RTN4IP1: variants seen among roughly 807,000 people sequenced by gnomAD.
RTN4IP1 encodes the protein NAD(P)H oxidoreductase RTN4IP1, mitochondrial.
Under a neutral mutation model 46.6 loss-of-function variants are expected in RTN4IP1, and 32 were observed. That is an observed-to-expected ratio of 0.69 (90% CI 0.52 to 0.92). The LOEUF (loss-of-function observed/expected upper bound fraction) is 0.92. Among genes scored for constraint, RTN4IP1 ranks in the 40% least tolerant of loss-of-function variants. RTN4IP1 has a pLI of 0.00. For missense variants in RTN4IP1, 424 were observed against 485.8 expected, an observed-to-expected ratio of 0.87 and a Z score of 1.20; for synonymous variants, 167 against 161.8, an observed-to-expected ratio of 1.03 and a Z score of -0.24.
chr6:106,628,660 C>A, intron 1 of RTN4IP1, 88 bp downstream of exon 1: 1 of 1,238,920 alleles, frequency 8.1e-7, no homozygotes, highest in South Asian at 1.5e-5. Flanking sequence ...TTTATGTAAA[C>A]CAAAGAAGCG....
intron 4 of RTN4IP1, among the ~76,000 whole-genome samples, chr6:106,605,814 CCCAA>C (rs1432362816): frequency 3.7e-4 from 36 of 96,704 alleles, no homozygotes; most frequent in African/African-American, 1.5e-3. Context: ...AAGACTCTGT[CCCAA>C]AAAAAAAAAA....
At chr6:106,608,606 T>G (rs1776144533) in intron 4 of RTN4IP1, among the ~76,000 whole-genome samples, 1 of 152,198 alleles carries the variant, frequency 6.6e-6, no homozygotes, top group Admixed American at 6.5e-5. Context: ...GCCCCATAAA[T>G]GTGTACATTA....
chr6:106,587,907 A>C, intron 6 of RTN4IP1, 45 bp from the exon 7 acceptor site: 1 of 1,519,602 alleles, frequency 6.6e-7, no homozygotes, highest in South Asian at 1.2e-5. Flanking sequence ...CAGGCTTTAC[A>C]CTGGACTCTG....
At chr6:106,594,333 C>A (rs886701006) in intron 5 of RTN4IP1, among the ~76,000 whole-genome samples, 1 of 152,144 alleles carries the variant, frequency 6.6e-6, no homozygotes, top group South Asian at 2.1e-4. Flanking sequence ...CGTAGTGAAA[C>A]CCCGTCTCTA....
At chr6:106,572,356 CT>C in intron 8 of RTN4IP1, 1 of 492,268 alleles carries the variant, frequency 2.0e-6, no homozygotes, top group East Asian at 3.5e-5. Context: ...GTCTTTCACT[CT>C]CCTACTTAGA....
rs184107284 is a variant in RTN4IP1 at position 106,616,277 on chromosome 6, A to C, written c.620+2925T>G. 1.6e-4 allele frequency among the ~76,000 whole-genome samples: 25 copies of C among 152,312 alleles called. No homozygotes were observed. In the East Asian group the frequency reaches 4.2e-3, roughly 26 times the overall value. ...CAAAATGACAGTATTATATGACATC[A>C]AGAATAAACTATTTCCTTGGTTCAC... On this transcript the variant is annotated intron_variant, in intron 4 of 8. Coordinates refer to ENST00000369063, the MANE Select transcript of RTN4IP1 (RefSeq NM_032730.5).
chr6:106,597,206 A>T (rs1775816979), intron 5 of RTN4IP1, among the ~76,000 whole-genome samples: 1 of 152,236 alleles, frequency 6.6e-6, no homozygotes, highest in African/African-American at 2.4e-5. Flanking sequence ...ATTTCAGGAC[A>T]GTAGGAAAGT....
chr6:106,602,907 G>A lies in RTN4IP1; in HGVS notation c.636C>T (p.Gly212=), dbSNP rs754459474. The A allele has an allele frequency of 1.7e-5, 27 of 1,604,238 alleles. No homozygotes were observed. The highest frequency in any genetic ancestry group is 1.0e-4 in the Admixed American group (6 of 58,226). The change falls in exon 5 of 9, where the codon GGC becomes GGT. Residue 212 remains glycine, a synonymous_variant. Coordinates refer to ENST00000369063, the MANE Select transcript of RTN4IP1 (RefSeq NM_032730.5). The part of the protein sequence containing the change: ...NCTGKRVLIL[G]ASGGVGTFAI... ...CAAAAGTACCAACTCCGCCTGAAGC[G>A]CCTAAGATTAGAACACTGAAATGCA...
intron 4 of RTN4IP1, among the ~76,000 whole-genome samples, chr6:106,606,977 A>G (rs541547961): frequency 6.6e-6 from 1 of 152,340 alleles, no homozygotes; most frequent in Admixed American, 6.5e-5. Flanking sequence ...AGCAGGAGGC[A>G]TCACCCTACC....
chr6:106,602,851 A>T, intron 5 of RTN4IP1, 23 bp downstream of exon 5: 1 of 1,546,668 alleles, frequency 6.5e-7, no homozygotes, highest in East Asian at 2.3e-5. Context: ...CCTCCTATTC[A>T]CAAGATTAAA....
Position 106,628,838 on chromosome 6 carries a change from T to C in RTN4IP1, c.184A>G (p.Asn62Asp). 3.7e-6 allele frequency: 6 copies of C among 1,614,144 alleles called. No homozygotes were observed. The highest frequency in any genetic ancestry group is 5.1e-6 in the Non-Finnish European group (6 of 1,179,982). ...TAGTGTATGATAGGCATCATCATGT[T>C]CTGAGTGAATCGAAGCACTTCATTC... The part of the protein sequence containing the change: ...GKNEVLRFTQ[N>D]MMMPIIHYPN... Residue 62 changes from asparagine (N) to aspartate (D), a missense_variant, in exon 1 of 9, where the codon AAC (asparagine) becomes GAC (aspartate). Coordinates refer to ENST00000369063, the MANE Select transcript of RTN4IP1 (RefSeq NM_032730.5).
At chr6:106,599,554 T>C (rs896307673) in intron 5 of RTN4IP1, among the ~76,000 whole-genome samples, 1 of 151,846 alleles carries the variant, frequency 6.6e-6, no homozygotes, top group Non-Finnish European at 1.5e-5. Context: ...CGATATAGGA[T>C]GTACTTTTGC....
intron 4 of RTN4IP1, among the ~76,000 whole-genome samples, chr6:106,618,858 T>C (rs1034746262): frequency 1.3e-5 from 2 of 148,988 alleles, no homozygotes; most frequent in African/African-American, 5.2e-5. Context: ...GGGATGATTC[T>C]TAACCTTTTT....
chr6:106,622,649 A>C (rs1776510399), intron 2 of RTN4IP1, among the ~76,000 whole-genome samples, 169 bp downstream of exon 2: 1 of 152,194 alleles, frequency 6.6e-6, no homozygotes. Context: ...GTACTAAATA[A>C]ATGCAAACTT....
chr6:106,627,609 T>C (rs1266598543), intron 1 of RTN4IP1, among the ~76,000 whole-genome samples: 1 of 151,966 alleles, frequency 6.6e-6, no homozygotes, highest in Non-Finnish European at 1.5e-5. Flanking sequence ...TATAAAAAAC[T>C]GAATTCTCTT....
chr6:106,629,811 G>GCT, upstream of RTN4IP1: 2 of 1,379,154 alleles, frequency 1.5e-6, no homozygotes, highest in Non-Finnish European at 2.0e-6. Context: ...CCACCTCGCT[G>GCT]CTTCCTCTAG....
At chr6:106,578,893 G>A (rs929998960) in intron 8 of RTN4IP1, among the ~76,000 whole-genome samples, 1 of 151,742 alleles carries the variant, frequency 6.6e-6, no homozygotes, top group African/African-American at 2.4e-5. Flanking sequence ...GCTTCACATG[G>A]TCTAAGTTCT....
rs750757503 is a variant in RTN4IP1, at chr6:106,628,728, A to G, written c.274+20T>C. 1 of 1,588,008 alleles carries G rather than the reference A, an allele frequency of 6.3e-7. No homozygotes were observed. The highest frequency in any genetic ancestry group is 1.1e-5 in the South Asian group (1 of 88,542). On this transcript the variant is annotated intron_variant, in intron 1 of 8. Coordinates refer to ENST00000369063, the MANE Select transcript of RTN4IP1 (RefSeq NM_032730.5). ...AAGTGATTTTTTTAAAAAAGGTAAC[A>G]ATGTCTTTTGAAAACTTACTTCTCA... is the stretch of plus-strand genomic sequence containing the variant.
intron 8 of RTN4IP1, among the ~76,000 whole-genome samples, chr6:106,574,789 C>T (rs1261308807): frequency 1.3e-5 from 2 of 152,192 alleles, no homozygotes; most frequent in Admixed American, 6.5e-5. Flanking sequence ...TAAACCAAAA[C>T]CGGCTGAACT....
Sources: allele counts gnomAD v4.1 joint callset (sites outside exome capture counted in the v4.1 genomes callset), GRCh38; gene constraint gnomAD v4.1.1; transcripts MANE v1.5; gene names NCBI Gene and HGNC (gene_info 2026-07-23, HGNC 2026-07-21).